CCSER1: variants seen among roughly 807,000 people sequenced by gnomAD.
The protein encoded by CCSER1 is serine-rich coiled-coil domain-containing protein 1.
CCSER1 carries 41 observed loss-of-function variants against 82.0 expected under a neutral mutation model. The observed-to-expected ratio is 0.50, with a 90% CI of 0.39 to 0.65. The LOEUF (loss-of-function observed/expected upper bound fraction) is 0.65. Among genes scored for constraint, CCSER1 ranks in the 30% least tolerant of loss-of-function variants. The pLI, the probability that CCSER1 is intolerant of heterozygous loss-of-function variation, is 0.00. For missense variants in CCSER1, 1,119 were observed against 1,064.2 expected (o/e 1.05, Z -0.72); for synonymous variants, 414 against 383.9 (o/e 1.08, Z -0.92).
chr4:90,380,995 C>T (rs755265463), intron 3 of CCSER1, among the ~76,000 whole-genome samples: 5 of 152,172 alleles, frequency 3.3e-5, no homozygotes, highest in Non-Finnish European at 7.4e-5. Flanking sequence ...CTAGCCTGGA[C>T]CAGAGTTGGG....
intron 4 of CCSER1, among the ~76,000 whole-genome samples, chr4:90,407,253 G>A (rs886803371): frequency 1.3e-5 from 2 of 152,152 alleles, no homozygotes; most frequent in African/African-American, 2.4e-5. Flanking sequence ...ACATAAACTA[G>A]TGGAGATGGA....
At chr4:90,132,040 T>C (rs1722909602) in intron 1 of CCSER1, among the ~76,000 whole-genome samples, 1 of 152,226 alleles carries the variant, frequency 6.6e-6, no homozygotes, top group Admixed American at 6.5e-5. Flanking sequence ...AATAACCAAA[T>C]GGAATTACTT....
intron 5 of CCSER1, among the ~76,000 whole-genome samples, chr4:90,484,216 G>T (rs1184923872): frequency 6.6e-6 from 1 of 151,998 alleles, no homozygotes; most frequent in Non-Finnish European, 1.5e-5. Context: ...GTGGTTTTTG[G>T]CTCCATGAGG....
chr4:91,204,337 G>A (rs976169851), intron 10 of CCSER1, among the ~76,000 whole-genome samples: 6 of 151,760 alleles, frequency 4.0e-5, no homozygotes. Context: ...ACCTCATCAA[G>A]GAGCTTGCAT....
intron 7 of CCSER1, among the ~76,000 whole-genome samples, chr4:90,731,112 CAATT>C (rs1335914678): frequency 6.6e-6 from 1 of 151,976 alleles, no homozygotes; most frequent in African/African-American, 2.4e-5. Flanking sequence ...GAGGGGATAA[CAATT>C]GATTGAATAT....
intron 5 of CCSER1, among the ~76,000 whole-genome samples, chr4:90,533,084 GTTT>G (rs59215370): frequency 3.8e-4 from 34 of 89,014 alleles, no homozygotes; most frequent in African/African-American, 8.1e-4. Context: ...ATTTCTGTGG[GTTT>G]TTTTTTTTTT....
chr4:90,477,696 T>C (rs1765305163), intron 5 of CCSER1, among the ~76,000 whole-genome samples: 1 of 152,092 alleles, frequency 6.6e-6, no homozygotes, highest in African/African-American at 2.4e-5. Context: ...GTTTTTTTTT[T>C]ATCTTCTATT....
intron 10 of CCSER1, among the ~76,000 whole-genome samples, chr4:91,538,294 T>C (rs183506571): frequency 6.6e-6 from 1 of 152,156 alleles, no homozygotes; most frequent in African/African-American, 2.4e-5. Context: ...GCAAATGTTC[T>C]TCTCAGCTTT....
intron 10 of CCSER1, among the ~76,000 whole-genome samples, chr4:91,509,287 G>A (rs1204070373): frequency 1.3e-5 from 2 of 151,850 alleles, no homozygotes; most frequent in African/African-American, 4.8e-5. Flanking sequence ...TTGGTTCATT[G>A]TATTTTCATT....
intron 6 of CCSER1, among the ~76,000 whole-genome samples, chr4:90,665,605 G>A (rs896782825): frequency 1.3e-5 from 2 of 152,140 alleles, no homozygotes; most frequent in African/African-American, 4.8e-5. Context: ...ACAGGTATAA[G>A]CCAGCGCCTC....
chr4:90,329,931 G>A (rs971800920), intron 3 of CCSER1, among the ~76,000 whole-genome samples: 4 of 151,848 alleles, frequency 2.6e-5, no homozygotes, highest in Admixed American at 1.3e-4. Flanking sequence ...ATAATAACTC[G>A]ATAAATTACT....
intron 3 of CCSER1, among the ~76,000 whole-genome samples, chr4:90,381,413 A>T (rs1424248893): frequency 1.3e-5 from 2 of 152,224 alleles, no homozygotes; most frequent in Non-Finnish European, 2.9e-5. Flanking sequence ...TGAAAACAAC[A>T]GCTTTGTAAA....
intron 1 of CCSER1, among the ~76,000 whole-genome samples, chr4:90,239,023 G>C (rs1199013200): frequency 3.9e-5 from 6 of 151,980 alleles, no homozygotes; most frequent in African/African-American, 1.5e-4. Flanking sequence ...GCTAATTTTT[G>C]TATTTTTAGT....
At chr4:91,449,928 T>C (rs62309589) in intron 10 of CCSER1, among the ~76,000 whole-genome samples, 92 of 152,246 alleles carry the variant, frequency 6.0e-4, no homozygotes, top group Non-Finnish European at 1.1e-3. Context: ...GTAGTTTCAA[T>C]ATGGCAGTGT....
intron 10 of CCSER1, among the ~76,000 whole-genome samples, chr4:91,214,483 G>T (rs1269509866): frequency 6.6e-6 from 1 of 151,968 alleles, no homozygotes; most frequent in Non-Finnish European, 1.5e-5. Context: ...ATATTATCTT[G>T]ATATTCCCGA....
intron 10 of CCSER1, among the ~76,000 whole-genome samples, chr4:91,522,255 A>T (rs111666813): frequency 7.0e-4 from 106 of 152,318 alleles, no homozygotes; most frequent in African/African-American, 2.4e-3. Context: ...TTTTGGTACC[A>T]GTACCATGCT....
rs1253926131 is a variant in CCSER1, at chr4:91,118,707, A to G, written c.2217+32713A>G. Among the ~76,000 whole-genome samples the G allele has an allele frequency of 2.6e-5, 4 of 152,334 alleles. No individual in the cohort carries two copies. In the South Asian group the frequency reaches 6.2e-4, roughly 24 times the overall value. On this transcript the variant is annotated intron_variant, in intron 10 of 10. Coordinates refer to ENST00000509176, the MANE Select transcript of CCSER1 (RefSeq NM_001145065.2). ...AGAATGCCTTCTGTTTATATGAACA[A>G]AAGCTTCATTCCTAATTATACTTCA...
intron 9 of CCSER1, 25 bp downstream of exon 9, chr4:90,923,472 T>C: frequency 6.7e-7 from 1 of 1,484,406 alleles, no homozygotes; most frequent in East Asian, 2.5e-5. Flanking sequence ...AAAACCATTT[T>C]TAACTTCATT....
intron 10 of CCSER1, among the ~76,000 whole-genome samples, chr4:91,130,597 T>C (rs1386641027): frequency 6.6e-6 from 1 of 151,928 alleles, no homozygotes; most frequent in Non-Finnish European, 1.5e-5. Flanking sequence ...AAAAGTTACA[T>C]ATATGGCATA....
Sources: allele counts gnomAD v4.1 joint callset (sites outside exome capture counted in the v4.1 genomes callset), GRCh38; gene constraint gnomAD v4.1.1; transcripts MANE v1.5; gene names NCBI Gene and HGNC (gene_info 2026-07-23, HGNC 2026-07-21).